LAMA2: variants seen among roughly 807,000 people sequenced by gnomAD.
The protein encoded by LAMA2 is laminin subunit alpha-2.
A neutral mutation model predicts 364.8 loss-of-function variants in LAMA2; 269 were observed. The observed-to-expected ratio is 0.74, with a 90% confidence interval of 0.67 to 0.82. LAMA2 has a LOEUF of 0.82. Among genes scored for constraint, LAMA2 ranks in the 40% least tolerant of loss-of-function variants. LAMA2 has a pLI of 0.00. For synonymous variants in LAMA2, 1,379 were observed against 1,370.6 expected (o/e 1.01, Z -0.14); for missense variants, 3,807 against 3,873.2 (o/e 0.98, Z 0.45).
intron 1 of LAMA2, among the ~76,000 whole-genome samples, chr6:129,048,482 TTCTTTC>T (rs1787715192): frequency 1.4e-5 from 1 of 72,980 alleles, no homozygotes; most frequent in Non-Finnish European, 2.9e-5. Context: ...CTTTCTTTCT[TTCTTTC>T]TTTCTTTCCT....
chr6:129,436,463 C>A (rs567842494), intron 41 of LAMA2, among the ~76,000 whole-genome samples: 1 of 152,246 alleles, frequency 6.6e-6, no homozygotes, highest in East Asian at 1.9e-4. Flanking sequence ...TGGATATAAA[C>A]AGCACTTTAA....
rs577792088 is a variant in LAMA2 at position 129,492,135 on chromosome 6, G to T, written c.8075+58G>T. 2.7e-6 allele frequency: 4 copies of T among 1,494,258 alleles called. No homozygotes were observed. The African/African-American group carries it at 5.5e-5, about 21-fold the overall frequency. The allele number at this position is 1,494,258 out of a possible 1,614,324, so 92.6% of individuals were successfully genotyped here. On this transcript the variant is annotated intron_variant, in intron 57 of 64. Coordinates refer to ENST00000421865, the MANE Select transcript of LAMA2 (RefSeq NM_000426.4). ...TTTTATTTTTATTTCTTGCTATTAG[G>T]GGTCCCAATGCATCTACATTGTCTA...
At chr6:129,200,112 G>A (rs1030676411) in intron 12 of LAMA2, among the ~76,000 whole-genome samples, 4 of 123,616 alleles carry the variant, frequency 3.2e-5, no homozygotes, top group East Asian at 2.3e-4. Context: ...ATGTGTACAC[G>A]TATATATATG....
intron 12 of LAMA2, among the ~76,000 whole-genome samples, chr6:129,194,370 A>AT (rs371158456): frequency 1.8e-4 from 27 of 151,198 alleles, no homozygotes; most frequent in African/African-American, 3.2e-4. Flanking sequence ...GGTCATATGC[A>AT]TTTTTTTTTC....
chr6:129,509,435 A>G (rs978619231), intron 62 of LAMA2, among the ~76,000 whole-genome samples: 2 of 152,162 alleles, frequency 1.3e-5, no homozygotes, highest in African/African-American at 2.4e-5. Context: ...GCCCATTTCA[A>G]TGTCCTGGAG....
intron 10 of LAMA2, among the ~76,000 whole-genome samples, chr6:129,182,879 A>G (rs1327817395): frequency 6.6e-6 from 1 of 151,820 alleles, no homozygotes; most frequent in Non-Finnish European, 1.5e-5. Flanking sequence ...AATGCATGTT[A>G]TATGTGCTTT....
intron 12 of LAMA2, among the ~76,000 whole-genome samples, chr6:129,195,543 G>A (rs1781786797): frequency 6.6e-6 from 1 of 152,174 alleles, no homozygotes; most frequent in Non-Finnish European, 1.5e-5. Flanking sequence ...AATTCCCACA[G>A]TCTCAGCTAG....
At chr6:129,010,332 C>G (rs1349689407) in intron 1 of LAMA2, among the ~76,000 whole-genome samples, 1 of 152,106 alleles carries the variant, frequency 6.6e-6, no homozygotes, top group Non-Finnish European at 1.5e-5. Context: ...GAAAAGATAG[C>G]AAAGGTACAA....
intron 9 of LAMA2, among the ~76,000 whole-genome samples, chr6:129,175,959 T>G (rs1017499928): frequency 6.6e-6 from 1 of 152,172 alleles, no homozygotes; most frequent in African/African-American, 2.4e-5. Flanking sequence ...TTTCTTTTTT[T>G]CAAATCTCTT....
chr6:129,273,775 C>T (rs265394), intron 17 of LAMA2, among the ~76,000 whole-genome samples: 150,349 of 152,190 alleles, frequency 0.99, 74,301 homozygotes, highest in Middle Eastern at 1. Flanking sequence ...GGTATAATTA[C>T]GTTGATCCTG....
rs17057086 is a variant in LAMA2, at chr6:129,297,341, A to G, written c.2857-344A>G. ...AGATTACTAAAAATGAAGAAGTAAAATTTTAAATTAAGACTAGAAATACCA... is the reference window on the plus strand; with the variant it reads ...AGATTACTAAAAATGAAGAAGTAAAGTTTTAAATTAAGACTAGAAATACCA... On this transcript the variant is annotated intron_variant, in intron 20 of 64. Transcript: ENST00000421865. Among the ~76,000 whole-genome samples, 105 of 152,266 alleles carry G rather than the reference A, an allele frequency of 6.9e-4. 4 individuals are homozygous for G. The East Asian group carries it at 0.019, about 27-fold the overall frequency.
chr6:129,310,799 G>A (rs1018058459), intron 22 of LAMA2, among the ~76,000 whole-genome samples: 2 of 152,152 alleles, frequency 1.3e-5, no homozygotes, highest in African/African-American at 2.4e-5. Flanking sequence ...CCCACTTGCA[G>A]CAAAGCTGAG....
intron 17 of LAMA2, among the ~76,000 whole-genome samples, chr6:129,276,026 A>T (rs1344020901): frequency 6.6e-6 from 1 of 152,138 alleles, no homozygotes; most frequent in African/African-American, 2.4e-5. Context: ...AGTAGGAGAG[A>T]TCATTGAACT....
rs1786873572 is a variant in LAMA2 at position 129,514,527 on chromosome 6, C to T, written c.9143C>T (p.Ala3048Val). 2 of 1,614,028 alleles carry T rather than the reference C, an allele frequency of 1.2e-6. No homozygotes were observed. The highest frequency in any genetic ancestry group is 1.3e-5 in the African/African-American group (1 of 74,922). Residue 3048 changes from alanine to valine, a missense_variant, in exon 64 of 65, where the codon GCC becomes GTC. This residue lies in a region of LAMA2 where 3,333 missense variants were observed against 3,345.7 expected (regional missense o/e 1.00). Transcript: ENST00000421865. ...ELTVDGNQVE[A>V]QSPNPASTSA... The stretch of plus-strand genomic sequence containing the variant: ...ACAGTCGATGGGAACCAGGTGGAAG[C>T]CCAAAGCCCAAACCCAGCATCTACA...
rs188629222 is a variant in LAMA2 at position 129,475,306 on chromosome 6, G to C, written c.7440-84G>C. On this transcript the variant is annotated intron_variant, in intron 52 of 64. Coordinates refer to ENST00000421865, the MANE Select transcript of LAMA2 (RefSeq NM_000426.4). ...GATTTTTTAAAGATTTATGATTAAA[G>C]TTTATTGTTTTACTAAATGAAAATG... 1,507 of 836,396 alleles carry C rather than the reference G, an allele frequency of 1.8e-3. 41 individuals are homozygous for C. In the Admixed American group the frequency reaches 0.033, roughly 18 times the overall value. 51.8% of individuals were successfully genotyped at this position (836,396 alleles called of 1,614,324 possible). A position where few individuals can be genotyped will look rare whatever the true frequency, so the allele number is the denominator to read the frequency against.
Position 129,478,803 on chromosome 6 carries a change from G to T in LAMA2, c.7562G>T (p.Cys2521Phe). The change falls in exon 54 of 65, where the codon TGT (cysteine) becomes TTT (phenylalanine). Residue 2521 changes from cysteine (C) to phenylalanine (F), a missense_variant. Transcript: ENST00000421865. Reference sequence around the variant, plus strand: ...GATTATGTTGGTGTTACCAAAGGATGTTCCCTGGAGGTTGGTCTGTTTTTG... The same window carrying T: ...GATTATGTTGGTGTTACCAAAGGATTTTCCCTGGAGGTTGGTCTGTTTTTG... ...SPDYVGVTKG[C>F]SLENVYTVSF... 1 of 1,613,230 alleles carries T rather than the reference G, an allele frequency of 6.2e-7. No individual in the cohort carries two copies. The highest frequency in any genetic ancestry group is 1.1e-5 in the South Asian group (1 of 91,074).
At chr6:128,900,736 A>T (rs540474150) in intron 1 of LAMA2, among the ~76,000 whole-genome samples, 1 of 152,322 alleles carries the variant, frequency 6.6e-6, no homozygotes, top group East Asian at 1.9e-4. Context: ...TAGGTTCTCC[A>T]CACCTTCAAA....
At chr6:129,329,250 C>G (rs145913194) in intron 29 of LAMA2, among the ~76,000 whole-genome samples, 1 of 152,166 alleles carries the variant, frequency 6.6e-6, no homozygotes, top group Admixed American at 6.6e-5. Context: ...CAAAATACCC[C>G]GCAGAATCCT....
intron 37 of LAMA2, among the ~76,000 whole-genome samples, chr6:129,399,017 C>A (rs910211994): frequency 6.6e-6 from 1 of 152,146 alleles, no homozygotes; most frequent in Non-Finnish European, 1.5e-5. Context: ...AATGTGTTGT[C>A]CTTCATTAAC....
Sources: gnomAD v4.1 joint callset for allele counts (sites outside exome capture counted in the v4.1 genomes callset) on GRCh38, gnomAD v4.1.1 for gene constraint, gnomAD v4.1.1 regional missense constraint, MANE v1.5 for transcripts, NCBI Gene and HGNC (gene_info 2026-07-23, HGNC 2026-07-21) for gene names.